Variants in NWD2 observed in about 807,000 individuals in gnomAD.
NWD2 encodes NACHT and WD repeat domain-containing protein 2.
Under a neutral mutation model 132.7 loss-of-function variants are expected in NWD2, and 37 were observed. The ratio of observed to expected loss-of-function variants is 0.28; its 90% CI spans 0.21 to 0.37. NWD2 has a LOEUF of 0.37. Ranked by LOEUF, NWD2 falls within the 10% of genes least tolerant of loss-of-function variation. NWD2 has a pLI of 1.00. For synonymous variants in NWD2, 705 were observed against 803.0 expected, an observed-to-expected ratio of 0.88 and a Z score of 2.06; for missense variants, 1,592 against 2,122.4, an observed-to-expected ratio of 0.75 and a Z score of 4.91.
At chr4:37,257,971 A>G (rs528955726) in intron 1 of NWD2, among the ~76,000 whole-genome samples, 14 of 152,360 alleles carry the variant, frequency 9.2e-5, no homozygotes, top group African/African-American at 3.4e-4. Flanking sequence ...GATGTGCTAA[A>G]TTCTTATAGT....
intron 1 of NWD2, among the ~76,000 whole-genome samples, chr4:37,246,263 A>G (rs1365179576): frequency 1.3e-5 from 2 of 152,252 alleles, no homozygotes; most frequent in East Asian, 3.8e-4. Context: ...TGAAAACCCA[A>G]GGTTCTGGTT....
At position 37,342,161 on chromosome 4, in the gene NWD2, A is replaced by G. The variant is rs371458732; in HGVS notation, c.241-14205A>G. On this transcript the variant is annotated intron_variant, in intron 2 of 6. Coordinates refer to ENST00000309447, the MANE Select transcript of NWD2 (RefSeq NM_001144990.2). ...GGAGGTGTTTGGGTCACAGAGGCGA[A>G]TCCTTCTTGAACGGCATTGATGCCC... Among the ~76,000 whole-genome samples, 6 of 152,264 alleles carry G rather than the reference A, an allele frequency of 3.9e-5. No individual in the cohort carries two copies. In the South Asian group the frequency reaches 8.3e-4, roughly 21 times the overall value.
chr4:37,348,595 T>C (rs2109297675), intron 2 of NWD2, among the ~76,000 whole-genome samples: 1 of 129,336 alleles, frequency 7.7e-6, no homozygotes, highest in African/African-American at 2.8e-5. Flanking sequence ...TTTTTTTTTT[T>C]TTTTTTTTGT....
At chr4:37,311,481 G>C (rs1405034194) in intron 1 of NWD2, among the ~76,000 whole-genome samples, 1 of 150,732 alleles carries the variant, frequency 6.6e-6, no homozygotes, top group South Asian at 2.1e-4. Flanking sequence ...TGATGGGGTT[G>C]TTTGTTTTTT....
Position 37,332,388 on chromosome 4 carries a change from A to T in NWD2, c.240+6364A>T, listed in dbSNP as rs945788400. Among the ~76,000 whole-genome samples, 7 of 151,628 alleles carry T rather than the reference A, an allele frequency of 4.6e-5. No homozygotes were observed. In the South Asian group the frequency reaches 1.5e-3, roughly 32 times the overall value. ...CACTGGGCAGAGTCCTGAGTTCCCCATTCCAGGCCCTAGCTCCCAGATGAC... is the reference window on the plus strand; with the variant it reads ...CACTGGGCAGAGTCCTGAGTTCCCCTTTCCAGGCCCTAGCTCCCAGATGAC... On this transcript the variant is annotated intron_variant, in intron 2 of 6. Transcript: ENST00000309447.
intron 6 of NWD2, among the ~76,000 whole-genome samples, chr4:37,442,793 G>T (rs1712521703): frequency 1.3e-5 from 2 of 151,740 alleles, no homozygotes; most frequent in Non-Finnish European, 2.9e-5. Flanking sequence ...TTGGAAATTT[G>T]GTCAGCCATA....
At chr4:37,344,669 A>G (rs1261870522) in intron 2 of NWD2, among the ~76,000 whole-genome samples, 3 of 152,148 alleles carry the variant, frequency 2.0e-5, no homozygotes, top group Non-Finnish European at 2.9e-5. Context: ...TGTATTTGCA[A>G]TGCAAATAGG....
chr4:37,426,818 T>A (rs1712022341), intron 3 of NWD2, among the ~76,000 whole-genome samples: 2 of 152,150 alleles, frequency 1.3e-5, no homozygotes, highest in African/African-American at 4.8e-5. Context: ...ATCCAGTAGA[T>A]GATCTGTGGA....
intron 1 of NWD2, among the ~76,000 whole-genome samples, chr4:37,289,011 T>TA (rs1485129423): frequency 1.3e-5 from 2 of 152,298 alleles, no homozygotes; most frequent in East Asian, 3.9e-4. Context: ...TATTTACATT[T>TA]AAATATTTTA....
intron 2 of NWD2, among the ~76,000 whole-genome samples, chr4:37,340,789 T>A (rs1719504239): frequency 6.6e-6 from 1 of 152,256 alleles, no homozygotes; most frequent in Non-Finnish European, 1.5e-5. Flanking sequence ...GCACTTATTC[T>A]AAGTGCTGTG....
intron 2 of NWD2, among the ~76,000 whole-genome samples, chr4:37,348,481 T>C (rs532969876): frequency 9.9e-5 from 15 of 151,158 alleles, no homozygotes; most frequent in African/African-American, 2.9e-4. Flanking sequence ...GACCTTGACA[T>C]GGTGACCACA....
At chr4:37,261,775 C>T (rs559747035) in intron 1 of NWD2, among the ~76,000 whole-genome samples, 8 of 152,188 alleles carry the variant, frequency 5.3e-5, no homozygotes, top group South Asian at 4.1e-4. Flanking sequence ...TGAAGAAAAA[C>T]GAAGCAAGGT....
chr4:37,391,973 G>A (rs1004519687), intron 3 of NWD2, among the ~76,000 whole-genome samples: 6 of 152,138 alleles, frequency 3.9e-5, no homozygotes, highest in South Asian at 2.1e-4. Context: ...GGAGGCGGAG[G>A]GTCGATTACT....
intron 3 of NWD2, among the ~76,000 whole-genome samples, chr4:37,391,496 T>A (rs941632191): frequency 1.3e-5 from 2 of 152,190 alleles, no homozygotes; most frequent in Non-Finnish European, 2.9e-5. Context: ...AAGTAAAGGC[T>A]TGAAGGTATA....
intron 1 of NWD2, among the ~76,000 whole-genome samples, chr4:37,249,876 A>G (rs1376301594): frequency 1.3e-5 from 2 of 152,004 alleles, no homozygotes; most frequent in Non-Finnish European, 2.9e-5. Context: ...TCTCCATAGG[A>G]AGGTTTGTTC....
chr4:37,392,605 T>A (rs930254859), intron 3 of NWD2, among the ~76,000 whole-genome samples: 8 of 152,022 alleles, frequency 5.3e-5, no homozygotes, highest in Admixed American at 2.0e-4. Flanking sequence ...GATGTAAGAA[T>A]GTTTTGGAGT....
chr4:37,445,343 C>A lies in NWD2; in HGVS notation c.3355C>A (p.Leu1119Met). The change falls in exon 7 of 7, where the codon CTG becomes ATG. Residue 1119 changes from leucine to methionine, a missense_variant. Leu to Met is a conservative substitution (Grantham distance 15). Coordinates refer to ENST00000309447, the MANE Select transcript of NWD2 (RefSeq NM_001144990.2). The surrounding 1 kb of genome is among the most constrained non-coding windows in gnomAD (Gnocchi z 4.7). The stretch of plus-strand genomic sequence containing the variant: ...TCTGTATGCTTTCTGTGGCCAATAC[C>A]TGAACACAACCACCATATTTCATTT... ...DGLYAFCGQY[L>M]NTTTIFHLGS... 1 of 1,552,204 alleles carries A rather than the reference C, an allele frequency of 6.4e-7. No homozygotes were observed. Among genetic ancestry groups the A allele is most frequent in the South Asian group, 1.2e-5 (1 of 84,060 alleles).
intron 1 of NWD2, among the ~76,000 whole-genome samples, chr4:37,273,094 A>G (rs1387181441): frequency 6.6e-6 from 1 of 151,888 alleles, no homozygotes; most frequent in East Asian, 1.9e-4. Flanking sequence ...GTCTACTAGC[A>G]GCAAATTCTC....
At chr4:37,404,540 T>G (rs1720957917) in intron 3 of NWD2, among the ~76,000 whole-genome samples, 2 of 152,220 alleles carry the variant, frequency 1.3e-5, no homozygotes, top group Non-Finnish European at 2.9e-5. Flanking sequence ...GACAATACCA[T>G]GCTTTTTGTT....
Sources: gnomAD v4.1 joint callset for allele counts (sites outside exome capture counted in the v4.1 genomes callset) on GRCh38, gnomAD v4.1.1 for gene constraint, Gnocchi (gnomAD v3.1) non-coding constraint, MANE v1.5 for transcripts, NCBI Gene and HGNC (gene_info 2026-07-23, HGNC 2026-07-21) for gene names.